The following DMD variants were observed in gnomAD, a reference collection of about 807,000 sequenced individuals.
DMD encodes the protein mutant dystrophin.
Under a neutral mutation model 330.1 loss-of-function variants are expected in DMD, and 63 were observed. The ratio of observed to expected loss-of-function variants is 0.19; its 90% confidence interval spans 0.16 to 0.24. The LOEUF is 0.24. Ranked by LOEUF, DMD falls within the 10% of genes least tolerant of loss-of-function variation. The pLI is 1.00. For missense variants in DMD, 3,344 were observed against 2,684.1 expected, an observed-to-expected ratio of 1.25 and a Z score of -5.43; for synonymous variants, 1,223 against 959.8, an observed-to-expected ratio of 1.27 and a Z score of -5.07.
chrX:32,602,581 A>G (rs2056315891), intron 12 of DMD, among the ~76,000 whole-genome samples: 1 of 111,285 alleles, frequency 9.0e-6, no homozygotes, highest in African/African-American at 3.3e-5. Flanking sequence ...TCATAAGCCT[A>G]TATTCCTGTT....
At chrX:31,370,202 G>A (rs957175772) in intron 60 of DMD, among the ~76,000 whole-genome samples, 1 of 110,467 alleles carries the variant, frequency 9.1e-6, no homozygotes, top group African/African-American at 3.3e-5. Context: ...AGGAAAAAGC[G>A]ATAAATTCAA....
chrX:32,978,024 T>C (rs1569546840), intron 2 of DMD, among the ~76,000 whole-genome samples: 5 of 111,864 alleles, frequency 4.5e-5, no homozygotes, highest in Admixed American at 2.9e-4. Context: ...TATGGAAACA[T>C]TGACAAAACT....
chrX:32,200,364 G>A (rs994419389), intron 44 of DMD, among the ~76,000 whole-genome samples: 6 of 111,513 alleles, frequency 5.4e-5, no homozygotes, highest in South Asian at 3.7e-4. Flanking sequence ...AACAAAATAC[G>A]TAATTTGTAA....
intron 1 of DMD, among the ~76,000 whole-genome samples, chrX:33,295,657 AACAAAC>A (rs1278684428): frequency 8.9e-6 from 1 of 111,812 alleles, no homozygotes; most frequent in African/African-American, 3.2e-5. Context: ...CAAATTCAGA[AACAAAC>A]ACAGAGACTA....
intron 63 of DMD, among the ~76,000 whole-genome samples, chrX:31,223,603 T>C (rs1363584037): frequency 8.9e-6 from 1 of 112,114 alleles, no homozygotes; most frequent in Non-Finnish European, 1.9e-5. Flanking sequence ...ATTTAACATA[T>C]ACATATATAA....
At chrX:32,565,940 G>A (rs969901594) in intron 15 of DMD, 59 bp from the exon 16 acceptor site, 16 of 1,016,918 alleles carry the variant, frequency 1.6e-5, no homozygotes, top group African/African-American at 5.6e-5. Context: ...CACCACTATA[G>A]TTCAATCTGC....
chrX:31,774,589 A>C lies in DMD; in HGVS notation c.7310-397T>G, dbSNP rs188992056. On this transcript the variant is annotated intron_variant, in intron 50 of 78. Coordinates refer to ENST00000357033, the MANE Select transcript of DMD (RefSeq NM_004006.3). ...AATTTTACTTATTTTTTTTTTATTCAAGAAAAAACAAAGGCAAAACAAGAT... is the reference window on the plus strand; with the variant it reads ...AATTTTACTTATTTTTTTTTTATTCCAGAAAAAACAAAGGCAAAACAAGAT... Among the ~76,000 whole-genome samples, 740 of 111,024 alleles carry C rather than the reference A, an allele frequency of 6.7e-3. 5 individuals are homozygous for C. The highest frequency in any genetic ancestry group is 0.023 in the African/African-American group (700 of 30,558).
chrX:32,030,988 G>A (rs933850726), intron 44 of DMD, among the ~76,000 whole-genome samples: 3 of 111,720 alleles, frequency 2.7e-5, no homozygotes, highest in Non-Finnish European at 5.7e-5. Context: ...ATCACAAAGT[G>A]CCTGCCGTAT....
chrX:31,459,052 T>C (rs985665452), intron 59 of DMD, among the ~76,000 whole-genome samples: 4 of 111,513 alleles, frequency 3.6e-5, no homozygotes, highest in African/African-American at 6.5e-5. Flanking sequence ...TTCTAGTATA[T>C]TGGGTTTGTG....
At chrX:32,460,014 T>A (rs2098377494) in intron 25 of DMD, among the ~76,000 whole-genome samples, 1 of 110,909 alleles carries the variant, frequency 9.0e-6, no homozygotes, top group South Asian at 3.7e-4. Flanking sequence ...GATTTTATGA[T>A]ATAAAACATC....
chrX:31,128,127 T>A (rs999736241), intron 77 of DMD, among the ~76,000 whole-genome samples: 3 of 111,584 alleles, frequency 2.7e-5, no homozygotes, highest in African/African-American at 9.8e-5. Flanking sequence ...CCAGTATGAA[T>A]CACTCACCCC....
chrX:32,537,864 T>A (rs1222949019), intron 17 of DMD, among the ~76,000 whole-genome samples: 1 of 112,282 alleles, frequency 8.9e-6, no homozygotes, highest in East Asian at 2.8e-4. Context: ...CTTTTACGCC[T>A]TGCATTCTGG....
intron 43 of DMD, among the ~76,000 whole-genome samples, chrX:32,254,568 C>T (rs1000900838): frequency 8.9e-6 from 1 of 111,807 alleles, no homozygotes; most frequent in African/African-American, 3.3e-5. Context: ...TGTACAGAGT[C>T]ATAGAGGTGA....
At chrX:32,985,063 G>T (rs934027832) in intron 2 of DMD, among the ~76,000 whole-genome samples, 1 of 112,159 alleles carries the variant, frequency 8.9e-6, no homozygotes, top group African/African-American at 3.2e-5. Flanking sequence ...AGTGAATAAA[G>T]GAAGTATGCT....
At chrX:33,128,921 A>G (rs775327248) in intron 1 of DMD, 1 of 109,509 alleles carries the variant, frequency 9.1e-6, no homozygotes, top group African/African-American at 3.5e-5. Flanking sequence ...TCTAAACCAC[A>G]ATGCAGAAGT....
At chrX:32,180,649 T>C (rs766770694) in intron 44 of DMD, among the ~76,000 whole-genome samples, 14 of 111,177 alleles carry the variant, frequency 1.3e-4, no homozygotes, top group Non-Finnish European at 2.3e-4. Context: ...GGGTAATTTA[T>C]AAAAGAAAGA....
intron 1 of DMD, among the ~76,000 whole-genome samples, chrX:33,268,054 A>G (rs1008583412): frequency 9.6e-6 from 1 of 104,334 alleles, no homozygotes; most frequent in Non-Finnish European, 1.9e-5. Flanking sequence ...CAGTGGTGTG[A>G]TCTGGACTCA....
chrX:33,188,692 C>G (rs1177233950), intron 1 of DMD, among the ~76,000 whole-genome samples: 8 of 112,005 alleles, frequency 7.1e-5, no homozygotes. Flanking sequence ...TTGTTATGGG[C>G]TAAATTGCCC....
chrX:33,087,813 A>T (rs1359552898), intron 1 of DMD, among the ~76,000 whole-genome samples: 1 of 111,508 alleles, frequency 9.0e-6, no homozygotes, highest in Non-Finnish European at 1.9e-5. Context: ...TGATGTAGCT[A>T]CCCTCACCTT....
Sources: allele counts gnomAD v4.1 joint callset (sites outside exome capture counted in the v4.1 genomes callset), GRCh38; gene constraint gnomAD v4.1.1; transcripts MANE v1.5; gene names NCBI Gene and HGNC (gene_info 2026-07-23, HGNC 2026-07-21).